CCDC33: variants seen among roughly 807,000 people sequenced by gnomAD.
CCDC33 encodes coiled-coil domain-containing protein 33.
CCDC33 carries 94 observed loss-of-function variants against 91.9 expected under a neutral mutation model. The ratio of observed to expected loss-of-function variants is 1.02; its 90% confidence interval spans 0.87 to 1.21. The LOEUF (loss-of-function observed/expected upper bound fraction) is 1.21. CCDC33 is among the 50% of genes most tolerant of loss of function. CCDC33 has a pLI of 0.00. For missense variants in CCDC33, 940 were observed against 935.5 expected, an observed-to-expected ratio of 1.00 and a Z score of -0.06; for synonymous variants, 396 against 374.5, an observed-to-expected ratio of 1.06 and a Z score of -0.66.
chr15:74,301,972 C>G (rs1243795040), intron 11 of CCDC33: 1 of 152,094 alleles, frequency 6.6e-6, no homozygotes, highest in Non-Finnish European at 1.5e-5. Flanking sequence ...GACCAGAGGG[C>G]CCTCATACCA....
intron 7 of CCDC33, among the ~76,000 whole-genome samples, chr15:74,278,918 C>A (rs563888947): frequency 3.3e-5 from 5 of 152,192 alleles, no homozygotes; most frequent in Non-Finnish European, 5.9e-5. Context: ...TGCGGGCACA[C>A]GGAGCCTCTG....
intron 11 of CCDC33, chr15:74,304,023 C>G (rs2059844787): frequency 6.6e-6 from 1 of 152,198 alleles, no homozygotes; most frequent in Non-Finnish European, 1.5e-5. Context: ...GGATCACATC[C>G]CACATGTGTC....
intron 11 of CCDC33, among the ~76,000 whole-genome samples, chr15:74,322,308 G>A (rs117395208): frequency 0.018 from 2,762 of 152,338 alleles, 41 homozygotes; most frequent in Middle Eastern, 0.078. Context: ...GGGCAGGGGC[G>A]GGAGCAGCCA....
intron 2 of CCDC33, among the ~76,000 whole-genome samples, chr15:74,255,584 T>C (rs928529995): frequency 5.3e-5 from 8 of 152,242 alleles, no homozygotes; most frequent in African/African-American, 1.9e-4. Flanking sequence ...CCCTGTGGCG[T>C]TGGAGGAGTG....
chr15:74,325,938 C>T (rs1369403963), intron 11 of CCDC33, among the ~76,000 whole-genome samples: 2 of 152,178 alleles, frequency 1.3e-5, no homozygotes, highest in Non-Finnish European at 2.9e-5. Context: ...ATTCCTCCTC[C>T]TTCGTGGGAA....
intron 3 of CCDC33, among the ~76,000 whole-genome samples, chr15:74,265,549 C>T (rs1241749808): frequency 1.3e-5 from 2 of 152,166 alleles, no homozygotes; most frequent in East Asian, 1.9e-4. Context: ...CCTCTGAGCT[C>T]CATTGTTCAT....
chr15:74,280,764 G>A lies in CCDC33; in HGVS notation c.986G>A (p.Gly329Asp). The change falls in exon 9 of 19, where the codon GGC becomes GAC. Residue 329 changes from glycine (G) to aspartate (D), a missense_variant. Physicochemically the swap from Gly to Asp is moderately conservative, Grantham distance 94. Coordinates refer to ENST00000398814, the MANE Select transcript of CCDC33 (RefSeq NM_025055.5). The part of the protein sequence containing the change: ...RLYQKMLTGK[G>D]LDGLHVERLP... The stretch of plus-strand genomic sequence containing the variant: ...TACCAGAAGATGCTGACAGGGAAAG[G>A]CTTGGACGGGCTTCACGTGGAGCGG... The A allele has an allele frequency of 1.9e-6, 3 of 1,569,110 alleles. No individual in the cohort carries two copies. Among genetic ancestry groups the A allele is most frequent in the African/African-American group, 2.8e-5 (2 of 72,522 alleles).
chr15:74,314,442 A>T (rs1419815411), intron 11 of CCDC33, among the ~76,000 whole-genome samples: 2 of 152,030 alleles, frequency 1.3e-5, no homozygotes, highest in African/African-American at 4.8e-5. Flanking sequence ...CACTCTTGCC[A>T]CCCTGGCTGC....
At chr15:74,207,549 C>CA (rs1159223528) in intron 1 of CCDC33, 3 of 737,504 alleles carry the variant, frequency 4.1e-6, no homozygotes, top group African/African-American at 3.5e-5. Context: ...GCTCTCCACC[C>CA]TCCCATCTCA....
intron 2 of CCDC33, among the ~76,000 whole-genome samples, chr15:74,259,113 C>T (rs991651385): frequency 1.3e-5 from 2 of 152,120 alleles, no homozygotes; most frequent in Non-Finnish European, 2.9e-5. Flanking sequence ...AATCTGGCCC[C>T]GAGACAGCAG....
chr15:74,227,365 A>G lies in CCDC33; in HGVS notation c.675+8504A>G, dbSNP rs144013426. 4.2e-3 allele frequency among the ~76,000 whole-genome samples: 633 copies of G among 152,354 alleles called. 4 individuals are homozygous for G. Among genetic ancestry groups the G allele is most frequent in the African/African-American group, 0.012 (517 of 41,580 alleles). Reference sequence around the variant, plus strand: ...CCATTTGCAAGCTGTTCCTCAGCCCATGCAGCACTAATGCTGGGCTTTCTG... The same window carrying G: ...CCATTTGCAAGCTGTTCCTCAGCCCGTGCAGCACTAATGCTGGGCTTTCTG... On this transcript the variant is annotated intron_variant, in intron 2 of 2. Coordinates refer to the CCDC33 transcript ENST00000635913.
intron 2 of CCDC33, among the ~76,000 whole-genome samples, chr15:74,254,927 T>C (rs2075816368): frequency 6.6e-6 from 1 of 152,132 alleles, no homozygotes; most frequent in South Asian, 2.1e-4. Context: ...ATTGTATTTT[T>C]AGTAGAGACG....
chr15:74,232,469 G>C (rs1208000688), upstream of CCDC33, among the ~76,000 whole-genome samples: 1 of 152,194 alleles, frequency 6.6e-6, no homozygotes, highest in Non-Finnish European at 1.5e-5. Flanking sequence ...GAGAGAGTTG[G>C]CTGCCAGGCA....
chr15:74,262,560 T>A lies in CCDC33; in HGVS notation c.306T>A (p.Asp102Glu). 6.2e-7 allele frequency: 1 copy of A among 1,613,196 alleles called. No individual in the cohort carries two copies. Among genetic ancestry groups the A allele is most frequent in the Non-Finnish European group, 8.5e-7 (1 of 1,179,690 alleles). Residue 102 changes from aspartate to glutamate, a missense_variant, in exon 3 of 19, where the codon GAT becomes GAA. Asp to Glu is a conservative substitution (Grantham distance 45). Transcript: ENST00000398814. ...TGAATGTGGAGATCCAAGCTGAGGA[T>A]GCAGGGCAAGAAGGTAAGCAGGGGC... ...DTVNVEIQAE[D>E]AGQEDVILKV...
At chr15:74,336,425 T>C, downstream of CCDC33, 1 of 1,300,004 alleles carries the variant, frequency 7.7e-7, no homozygotes, top group South Asian at 1.2e-5. Flanking sequence ...GGCTTGTCCT[T>C]TTCATCTGCC....
chr15:74,289,531 T>C (rs1222711885), intron 10 of CCDC33, among the ~76,000 whole-genome samples: 1 of 152,148 alleles, frequency 6.6e-6, no homozygotes, highest in Non-Finnish European at 1.5e-5. Flanking sequence ...CCGGGCAACA[T>C]GGCAAAACCC....
At chr15:74,249,993 C>A (rs2075655042) in intron 2 of CCDC33, among the ~76,000 whole-genome samples, 1 of 152,150 alleles carries the variant, frequency 6.6e-6, no homozygotes, top group South Asian at 2.1e-4. Context: ...CAGGTTTCTG[C>A]CCTATGTGGC....
chr15:74,318,607 C>T (rs754561223), intron 11 of CCDC33: 3 of 742,260 alleles, frequency 4.0e-6, no homozygotes, highest in Non-Finnish European at 7.4e-6. Flanking sequence ...AGCCAGGGCC[C>T]CCATCCCCTC....
intron 5 of CCDC33, among the ~76,000 whole-genome samples, chr15:74,270,745 G>A (rs1481637630): frequency 6.6e-6 from 1 of 152,116 alleles, no homozygotes; most frequent in Non-Finnish European, 1.5e-5. Context: ...CAGACTCCCT[G>A]TCTCCCCTGT....
Sources: allele counts gnomAD v4.1 joint callset (sites outside exome capture counted in the v4.1 genomes callset), GRCh38; gene constraint gnomAD v4.1.1; transcripts MANE v1.5; gene names NCBI Gene and HGNC (gene_info 2026-07-23, HGNC 2026-07-21).